Variants in CTNNA1 observed in about 807,000 individuals in gnomAD.
CTNNA1 encodes the protein catenin alpha 1.
CTNNA1 carries 37 observed loss-of-function variants against 98.4 expected under a neutral mutation model. The ratio of observed to expected loss-of-function variants is 0.38; its 90% confidence interval spans 0.29 to 0.49. The LOEUF (loss-of-function observed/expected upper bound fraction) is 0.49. Among genes scored for constraint, CTNNA1 ranks in the 20% least tolerant of loss-of-function variants. CTNNA1 has a pLI of 0.95. For missense variants in CTNNA1, 761 were observed against 1,147.2 expected (o/e 0.66, Z 4.86); for synonymous variants, 404 against 413.2 (o/e 0.98, Z 0.27).
At chr5:138,913,584 A>C (rs987228177) in intron 10 of CTNNA1, among the ~76,000 whole-genome samples, 7 of 63,020 alleles carry the variant, frequency 1.1e-4, no homozygotes, top group African/African-American at 6.9e-4. Context: ...ACCCTGTCTC[A>C]AAAAAAAAAA....
chr5:138,931,031 A>G, intron 16 of CTNNA1, 96 bp downstream of exon 16: 1 of 731,560 alleles, frequency 1.4e-6, no homozygotes, highest in Non-Finnish European at 2.5e-6. Flanking sequence ...GGGCCACAGC[A>G]CTTTTGCCAC....
rs200031190 is a variant in CTNNA1 at position 138,929,372 on chromosome 5, G to A, written c.2010+16G>A. On this transcript the variant is annotated intron_variant, in intron 14 of 17. Coordinates refer to ENST00000302763, the MANE Select transcript of CTNNA1 (RefSeq NM_001903.5). ...GAGTGCCCGGGTAAGGAAGCGCTCC[G>A]TGGGGCAGTTCAGCTTGTGCTGCCG... 2.4e-5 allele frequency: 32 copies of A among 1,328,110 alleles called. No individual in the cohort carries two copies. Among genetic ancestry groups the A allele is most frequent in the South Asian group, 1.8e-4 (15 of 85,248 alleles). The allele number at this position is 1,328,110 out of a possible 1,614,324, so 82.3% of individuals were successfully genotyped here. A position where few individuals can be genotyped will look rare whatever the true frequency, so the allele number is the denominator to read the frequency against.
At chr5:138,894,565 G>C (rs866890534) in intron 9 of CTNNA1, among the ~76,000 whole-genome samples, 1 of 151,932 alleles carries the variant, frequency 6.6e-6, no homozygotes, top group Non-Finnish European at 1.5e-5. Context: ...GAGCCACTGC[G>C]CCTGGTCTAC....
At chr5:138,879,663 G>A (rs1045174268) in intron 7 of CTNNA1, among the ~76,000 whole-genome samples, 5 of 152,124 alleles carry the variant, frequency 3.3e-5, no homozygotes, top group Non-Finnish European at 5.9e-5. Context: ...TCACTATGTT[G>A]CCTAGGCTGG....
chr5:138,917,717 CA>C, intron 10 of CTNNA1, 24 bp from the exon 11 acceptor site: 1 of 1,610,368 alleles, frequency 6.2e-7, no homozygotes, highest in Non-Finnish European at 8.5e-7. Flanking sequence ...AAAGAGTAAA[CA>C]GTGAAGTTTA....
intron 8 of CTNNA1, 59 bp from the exon 9 acceptor site, chr5:138,887,431 A>C (rs982641263): frequency 3.4e-5 from 44 of 1,280,410 alleles, no homozygotes; most frequent in Non-Finnish European, 4.4e-5. Context: ...AATAAAAAGC[A>C]ATCTATTTAA....
chr5:138,801,498 A>G (rs2149706545), intron 3 of CTNNA1, among the ~76,000 whole-genome samples: 1 of 152,348 alleles, frequency 6.6e-6, no homozygotes, highest in African/African-American at 2.4e-5. Context: ...AAATCCACGT[A>G]TAAATAAACC....
In CTNNA1 at chr5:138,917,792, C is replaced by G; in HGVS notation, c.1440C>G (p.Ala480=). The change falls in exon 11 of 18, where the codon GCC becomes GCG. Residue 480 remains alanine (A), a synonymous_variant. Transcript: ENST00000302763. ...CAGCAAAACCACAGAGTAAACTGGC[C>G]CAAGAGAACATGGATCTTTTTAAAG... The part of the protein sequence containing the change: ...ALAAKPQSKL[A]QENMDLFKEQ... The G allele has an allele frequency of 3.7e-6, 6 of 1,614,004 alleles. No homozygotes were observed. In the South Asian group the frequency reaches 6.6e-5, roughly 18 times the overall value.
chr5:138,757,691 G>C (rs1255778322), intron 1 of CTNNA1, among the ~76,000 whole-genome samples: 1 of 152,168 alleles, frequency 6.6e-6, no homozygotes. Context: ...TGCTAGGAAG[G>C]GAGCCTTGTA....
intron 13 of CTNNA1, among the ~76,000 whole-genome samples, chr5:138,927,074 C>A (rs1764223753): frequency 1.3e-5 from 2 of 152,174 alleles, no homozygotes; most frequent in South Asian, 4.1e-4. Context: ...TGAACATGTT[C>A]TCACCCTCGT....
At chr5:138,767,016 C>T (rs1753007581) in intron 1 of CTNNA1, among the ~76,000 whole-genome samples, 1 of 143,812 alleles carries the variant, frequency 7.0e-6, no homozygotes, top group African/African-American at 2.6e-5. Flanking sequence ...CCTCCAATGT[C>T]TTCTGAATTT....
At chr5:138,818,422 T>G (rs1228862703) in intron 5 of CTNNA1, among the ~76,000 whole-genome samples, 1 of 152,196 alleles carries the variant, frequency 6.6e-6, no homozygotes, top group African/African-American at 2.4e-5. Flanking sequence ...TTTACTTGCT[T>G]TCTCATGTTT....
chr5:138,901,942 T>TG (rs1758131556), intron 9 of CTNNA1, among the ~76,000 whole-genome samples: 1 of 152,180 alleles, frequency 6.6e-6, no homozygotes, highest in Non-Finnish European at 1.5e-5. Flanking sequence ...GCCCTGTCCC[T>TG]GGGGGGTGAA....
intron 3 of CTNNA1, among the ~76,000 whole-genome samples, chr5:138,787,868 C>T (rs1321556688): frequency 1.3e-5 from 2 of 152,088 alleles, no homozygotes; most frequent in African/African-American, 4.8e-5. Context: ...AAAAAATTCA[C>T]GTACATAAAA....
chr5:138,916,396 T>C (rs1326970647), intron 10 of CTNNA1, among the ~76,000 whole-genome samples: 1 of 125,816 alleles, frequency 7.9e-6, no homozygotes, highest in African/African-American at 3.8e-5. Flanking sequence ...GTTTTTTGTC[T>C]TTTTTTTTTT....
At chr5:138,912,097 A>G (rs746810402) in intron 10 of CTNNA1, among the ~76,000 whole-genome samples, 10 of 152,214 alleles carry the variant, frequency 6.6e-5, no homozygotes, top group Admixed American at 3.3e-4. Flanking sequence ...GTGAGACATC[A>G]CCAAGGGAGT....
chr5:138,875,377 G>C, intron 7 of CTNNA1: 2 of 984,790 alleles, frequency 2.0e-6, no homozygotes, highest in Non-Finnish European at 2.4e-6. Context: ...CTGTATATAG[G>C]CTGACGTCAC....
intron 3 of CTNNA1, among the ~76,000 whole-genome samples, chr5:138,796,284 C>T (rs951630424): frequency 7.9e-5 from 12 of 152,218 alleles, no homozygotes; most frequent in Admixed American, 3.9e-4. Context: ...CGGCTGGGTG[C>T]GGTGGCTCAT....
intron 7 of CTNNA1, among the ~76,000 whole-genome samples, chr5:138,834,386 T>C (rs1761573591): frequency 1.3e-5 from 2 of 152,226 alleles, no homozygotes; most frequent in Non-Finnish European, 2.9e-5. Flanking sequence ...TCTTACCTTT[T>C]CTTTTTAAAA....
Sources: gnomAD v4.1 joint callset for allele counts (sites outside exome capture counted in the v4.1 genomes callset) on GRCh38, gnomAD v4.1.1 for gene constraint, MANE v1.5 for transcripts, NCBI Gene and HGNC (gene_info 2026-07-23, HGNC 2026-07-21) for gene names.